The following PARD3 variants were observed in gnomAD, a reference collection of about 807,000 sequenced individuals.
PARD3 encodes par-3 family cell polarity regulator, also known as partitioning defective 3 homolog.
In PARD3, 75 loss-of-function variants were observed where a neutral mutation model predicts 155.4. The observed-to-expected ratio is 0.48, with a 90% confidence interval of 0.40 to 0.58. The LOEUF (loss-of-function observed/expected upper bound fraction) is 0.58, where lower values mean the gene tolerates loss of function less well. Ranked by LOEUF, PARD3 falls within the 20% of genes least tolerant of loss-of-function variation. The pLI is 0.00. For synonymous variants in PARD3, 576 were observed against 610.5 expected (o/e 0.94, Z 0.83); for missense variants, 1,642 against 1,721.7 (o/e 0.95, Z 0.82).
At chr10:34,420,939 G>A (rs1846128117) in intron 5 of PARD3, among the ~76,000 whole-genome samples, 1 of 152,192 alleles carries the variant, frequency 6.6e-6, no homozygotes, top group Non-Finnish European at 1.5e-5. Flanking sequence ...ACTTTGGGAG[G>A]CCAAGGTCGG....
chr10:34,470,381 G>T (rs1360444199), intron 3 of PARD3, 118 bp from the exon 4 acceptor site: 11 of 688,570 alleles, frequency 1.6e-5, no homozygotes, highest in Admixed American at 1.3e-4. Context: ...TTGTAAAAGG[G>T]GACAAGTGGG....
chr10:34,273,568 A>ACACCCTATAC (rs1955734985), intron 21 of PARD3, among the ~76,000 whole-genome samples: 1 of 152,224 alleles, frequency 6.6e-6, no homozygotes, highest in Non-Finnish European at 1.5e-5. Context: ...GTGATGACAC[A>ACACCCTATAC]GAACTACACA....
chr10:34,315,079 T>C (rs185153071), intron 20 of PARD3, among the ~76,000 whole-genome samples: 2 of 152,314 alleles, frequency 1.3e-5, no homozygotes, highest in East Asian at 3.9e-4. Flanking sequence ...CACCTGCATA[T>C]AGAATTTTAT....
intron 5 of PARD3, among the ~76,000 whole-genome samples, chr10:34,439,747 T>C (rs1175289333): frequency 6.6e-6 from 1 of 152,090 alleles, no homozygotes; most frequent in African/African-American, 2.4e-5. Flanking sequence ...AATAATAACA[T>C]GTCAAAAGTA....
At chr10:34,271,702 C>T (rs1310832322) in intron 21 of PARD3, among the ~76,000 whole-genome samples, 3 of 151,922 alleles carry the variant, frequency 2.0e-5, no homozygotes, top group African/African-American at 7.3e-5. Flanking sequence ...TGCAATAAGC[C>T]TAGAAAAGGA....
rs138378966 is a variant in PARD3, at chr10:34,714,827, G to A, written c.121-18408C>T. On this transcript the variant is annotated intron_variant, in intron 1 of 24. Transcript: ENST00000374788. The stretch of plus-strand genomic sequence containing the variant: ...TCTCACTCTGTCACCCAGGCTGGAG[G>A]GCAGTGGTGCATTCTTGGTTCACTG... 9.9e-3 allele frequency among the ~76,000 whole-genome samples: 1,481 copies of A among 149,322 alleles called. 30 individuals are homozygous for A. The highest frequency in any genetic ancestry group is 0.035 in the African/African-American group (1,402 of 40,590).
rs528985881 is a variant in PARD3, at chr10:34,501,314, A to G, written c.403+15665T>C. ...GATCATTTAAAAGTGTGTGTGTGGC[A>G]CCCCCCTCTGCCCGACTTGCTCCTG... is the stretch of plus-strand genomic sequence containing the variant. On this transcript the variant is annotated intron_variant, in intron 3 of 24. Coordinates refer to ENST00000374788, the MANE Select transcript of PARD3 (RefSeq NM_001184785.2). 5.9e-5 allele frequency among the ~76,000 whole-genome samples: 9 copies of G among 151,492 alleles called. No homozygotes were observed. The South Asian group carries it at 1.9e-3, about 32-fold the overall frequency.
chr10:34,716,017 T>A (rs1418072332), intron 1 of PARD3, among the ~76,000 whole-genome samples: 2 of 152,218 alleles, frequency 1.3e-5, no homozygotes, highest in Non-Finnish European at 2.9e-5. Context: ...GGCCATCTGG[T>A]CAGTTTCAAA....
chr10:34,208,453 T>C (rs150853742), intron 22 of PARD3, among the ~76,000 whole-genome samples: 2 of 152,328 alleles, frequency 1.3e-5, no homozygotes, highest in Non-Finnish European at 2.9e-5. Flanking sequence ...GTCTCTTCAA[T>C]CTTATGAATC....
intron 1 of PARD3, among the ~76,000 whole-genome samples, chr10:34,775,828 G>T (rs1839459414): frequency 1.3e-5 from 2 of 152,144 alleles, no homozygotes; most frequent in African/African-American, 4.8e-5. Flanking sequence ...GAATTTAAAA[G>T]ACATATCATA....
chr10:34,116,002 C>T (rs913501227), intron 24 of PARD3, among the ~76,000 whole-genome samples: 1 of 152,076 alleles, frequency 6.6e-6, no homozygotes, highest in Admixed American at 6.6e-5. Context: ...TAAGCCACCA[C>T]GCCCAGCCTA....
chr10:34,268,736 C>T (rs1051528344), intron 22 of PARD3, among the ~76,000 whole-genome samples: 1 of 151,858 alleles, frequency 6.6e-6, no homozygotes, highest in African/African-American at 2.4e-5. Flanking sequence ...AATGAGAACA[C>T]TTGGACACAG....
In PARD3 at chr10:34,605,530, ATATCTCC is replaced by A. The variant is rs1235137510; in HGVS notation, c.223-88378_223-88372del. Among the ~76,000 whole-genome samples the A allele has an allele frequency of 2.1e-4, 11 of 53,430 alleles. 3 individuals carry two copies. Among genetic ancestry groups the A allele is most frequent in the East Asian group, 1.1e-3 (2 of 1,860 alleles). The allele number at this position is 53,430 out of a possible 152,430, so 35.1% of individuals were successfully genotyped here. A position where few individuals can be genotyped will look rare whatever the true frequency, so the allele number is the denominator to read the frequency against. The stretch of plus-strand genomic sequence containing the variant: ...AAATATATATATATATCTCCTATAT[ATATCTCC>A]TATATATATATATATATATCTCCTA... On this transcript the variant is annotated intron_variant, in intron 2 of 24. Coordinates refer to ENST00000374788, the MANE Select transcript of PARD3 (RefSeq NM_001184785.2).
At chr10:34,761,340 G>A (rs1404222150) in intron 1 of PARD3, among the ~76,000 whole-genome samples, 6 of 152,192 alleles carry the variant, frequency 3.9e-5, no homozygotes, top group Non-Finnish European at 7.3e-5. Flanking sequence ...GAACCCAGGA[G>A]GCTGAGGTTG....
At chr10:34,352,676 G>A (rs1838248021) in intron 14 of PARD3, among the ~76,000 whole-genome samples, 1 of 152,210 alleles carries the variant, frequency 6.6e-6, no homozygotes, top group South Asian at 2.1e-4. Flanking sequence ...GAGTGCAGTG[G>A]CGTGATCTCA....
At chr10:34,794,236 C>T (rs948721925) in intron 1 of PARD3, among the ~76,000 whole-genome samples, 1 of 152,156 alleles carries the variant, frequency 6.6e-6, no homozygotes, top group Non-Finnish European at 1.5e-5. Context: ...TATACCCTTT[C>T]CACTGTATTT....
At chr10:34,764,264 C>A (rs1837812458) in intron 1 of PARD3, among the ~76,000 whole-genome samples, 1 of 152,202 alleles carries the variant, frequency 6.6e-6, no homozygotes, top group Non-Finnish European at 1.5e-5. Flanking sequence ...TGAAGGAAGG[C>A]ATTCTAAATG....
rs1293579754 is a variant in PARD3, at chr10:34,545,812, C to A, written c.223-28653G>T. Among the ~76,000 whole-genome samples the A allele has an allele frequency of 2.0e-5, 3 of 152,190 alleles. No homozygotes were observed. The East Asian group carries it at 5.8e-4, about 29-fold the overall frequency. On this transcript the variant is annotated intron_variant, in intron 2 of 24. Transcript: ENST00000374788. ...ACCTCAGGCAATCTGCCCACCTCGG[C>A]TTCCCCAAGTGCTGGGATTACAGAT... is the stretch of plus-strand genomic sequence containing the variant.
At chr10:34,272,690 C>A (rs1181501134) in intron 21 of PARD3, among the ~76,000 whole-genome samples, 1 of 152,290 alleles carries the variant, frequency 6.6e-6, no homozygotes, top group East Asian at 1.9e-4. Flanking sequence ...TGTGCCACTG[C>A]ACTCCAGCCT....
Sources: allele counts gnomAD v4.1 joint callset (sites outside exome capture counted in the v4.1 genomes callset), GRCh38; gene constraint gnomAD v4.1.1; transcripts MANE v1.5; gene names NCBI Gene and HGNC (gene_info 2026-07-23, HGNC 2026-07-21).